Variants in TMEM38B observed in about 807,000 individuals in gnomAD.
TMEM38B encodes the protein transmembrane protein 38B.
Under a neutral mutation model 28.7 loss-of-function variants are expected in TMEM38B, and 24 were observed. That is an observed-to-expected ratio of 0.84 (90% confidence interval 0.61 to 1.18). The LOEUF (loss-of-function observed/expected upper bound fraction) is 1.18. TMEM38B is among the 50% of genes most tolerant of loss of function. The pLI is 0.00. For synonymous variants in TMEM38B, 131 were observed against 127.7 expected (o/e 1.03, Z -0.17); for missense variants, 380 against 350.9 (o/e 1.08, Z -0.66).
chr9:105,742,757 G>T (rs1837251986), intron 4 of TMEM38B, among the ~76,000 whole-genome samples: 1 of 152,032 alleles, frequency 6.6e-6, no homozygotes, highest in Non-Finnish European at 1.5e-5. Context: ...GAGCCACTGT[G>T]GTGCAGAAAA....
chr9:105,708,444 A>G (rs1007940160), intron 2 of TMEM38B, among the ~76,000 whole-genome samples: 9 of 152,194 alleles, frequency 5.9e-5, no homozygotes, highest in East Asian at 1.9e-4. Context: ...CCAGTCCCCT[A>G]CAGATACTGA....
intron 4 of TMEM38B, among the ~76,000 whole-genome samples, chr9:105,733,463 G>A (rs1836851999): frequency 7.0e-6 from 1 of 142,174 alleles, no homozygotes; most frequent in Non-Finnish European, 1.5e-5. Flanking sequence ...TATTAGGCAT[G>A]AGCTGATGAT....
Position 105,694,751 on chromosome 9 carries a change from A to G in TMEM38B, c.91A>G (p.Met31Val), listed in dbSNP as rs748081136. The G allele has an allele frequency of 1.9e-6, 3 of 1,564,974 alleles. No individual in the cohort carries two copies. The highest frequency in any genetic ancestry group is 2.8e-5 in the African/African-American group (2 of 71,524). ...FDIAHYLVSV[M>V]AVKRQPGAAA... ...CATCGCGCACTATCTAGTGTCAGTGATGGCGGTGAAACGTCAGCCGGGTGA... is the reference window on the plus strand; with the variant it reads ...CATCGCGCACTATCTAGTGTCAGTGGTGGCGGTGAAACGTCAGCCGGGTGA... Residue 31 changes from methionine to valine, a missense_variant, in exon 1 of 6, where the codon ATG (methionine) becomes GTG (valine). Transcript: ENST00000374692.
In TMEM38B at chr9:105,705,777, A is replaced by G. The variant is rs760165353; in HGVS notation, c.269+24A>G. ...TGGTAAGCTGCCAGTATGGTGACCT[A>G]TGTGACATTTAAACAATTGTGTTGT... On this transcript the variant is annotated intron_variant, in intron 2 of 5. Transcript: ENST00000374692. 1.2e-5 allele frequency: 19 copies of G among 1,596,430 alleles called. No individual in the cohort carries two copies. In the East Asian group the frequency reaches 2.7e-4, roughly 23 times the overall value.
intron 5 of TMEM38B, among the ~76,000 whole-genome samples, chr9:105,748,449 G>C (rs886793795): frequency 2.0e-5 from 3 of 151,796 alleles, no homozygotes; most frequent in Admixed American, 2.0e-4. Flanking sequence ...CAGAGTAGTG[G>C]AAATAGCCAA....
chr9:105,770,635 C>T (rs1026752357), intron 5 of TMEM38B, among the ~76,000 whole-genome samples: 4 of 151,964 alleles, frequency 2.6e-5, no homozygotes, highest in African/African-American at 9.7e-5. Flanking sequence ...ATAACATAAT[C>T]TATGGAGAAA....
At chr9:105,747,134 T>G (rs1422376190) in intron 4 of TMEM38B, among the ~76,000 whole-genome samples, 1 of 152,204 alleles carries the variant, frequency 6.6e-6, no homozygotes, top group African/African-American at 2.4e-5. Flanking sequence ...TTGATTGCTA[T>G]AGTTTCAGAA....
At chr9:105,742,284 A>G (rs376327357) in intron 4 of TMEM38B, among the ~76,000 whole-genome samples, 50 of 152,348 alleles carry the variant, frequency 3.3e-4, no homozygotes, top group African/African-American at 1.1e-3. Context: ...GGCTGGATTC[A>G]GGTGCAGAGG....
intron 4 of TMEM38B, 22 bp downstream of exon 4, chr9:105,722,643 T>C: frequency 6.3e-7 from 1 of 1,582,600 alleles, no homozygotes; most frequent in Non-Finnish European, 8.7e-7. Context: ...TAAATTATAC[T>C]GAGACCTAGA....
At chr9:105,734,853 A>C (rs1284634112) in intron 4 of TMEM38B, among the ~76,000 whole-genome samples, 1 of 144,438 alleles carries the variant, frequency 6.9e-6, no homozygotes, top group African/African-American at 2.7e-5. Flanking sequence ...TGTAGGCAGC[A>C]TGTAGTTGGA....
chr9:105,758,638 G>T, intron 5 of TMEM38B: 1 of 814,212 alleles, frequency 1.2e-6, no homozygotes. Flanking sequence ...CAGCTCTTCA[G>T]ATTTCCTGCA....
intron 2 of TMEM38B, 64 bp downstream of exon 2, chr9:105,705,817 A>G (rs1438492645): frequency 1.5e-5 from 23 of 1,506,466 alleles, no homozygotes; most frequent in Non-Finnish European, 2.0e-5. Flanking sequence ...TGTTAGTAAA[A>G]TGAATTTTTT....
At chr9:105,702,428 A>G (rs1282085729) in intron 1 of TMEM38B, among the ~76,000 whole-genome samples, 2 of 152,212 alleles carry the variant, frequency 1.3e-5, no homozygotes, top group African/African-American at 2.4e-5. Context: ...GTTCTTAAAA[A>G]CAGGGACACA....
chr9:105,713,991 G>T (rs774907037), intron 2 of TMEM38B, among the ~76,000 whole-genome samples: 8 of 152,160 alleles, frequency 5.3e-5, no homozygotes, highest in Non-Finnish European at 1.2e-4. Flanking sequence ...TCTGCTGAGA[G>T]CTGAGCACGG....
In TMEM38B at chr9:105,775,154, A is replaced by G. The variant is rs549726984; in HGVS notation, c.*1074A>G. On this transcript the variant is annotated 3_prime_UTR_variant, in exon 6 of 6. Transcript: ENST00000374692. ...TTATTAATTTTATTAAATGAAAACT[A>G]ATCACCTTCATGTGGAAATGCTCTG... 1.3e-5 allele frequency: 2 copies of G among 152,250 alleles called. No individual in the cohort carries two copies. Among genetic ancestry groups the G allele is most frequent in the African/African-American group, 4.8e-5 (2 of 41,574 alleles). The allele number at this position is 152,250 out of a possible 1,614,324, so 9.4% of individuals were successfully genotyped here.
intron 2 of TMEM38B, among the ~76,000 whole-genome samples, chr9:105,708,214 A>G (rs1013832057): frequency 1.3e-5 from 2 of 152,188 alleles, no homozygotes; most frequent in Non-Finnish European, 1.5e-5. Context: ...AAATATTTGG[A>G]AAAAAATCCA....
chr9:105,766,969 C>T (rs1256374952), intron 5 of TMEM38B, among the ~76,000 whole-genome samples: 4 of 149,936 alleles, frequency 2.7e-5, no homozygotes, highest in Non-Finnish European at 5.9e-5. Flanking sequence ...CAATTCCCAC[C>T]TATGAGTGAG....
At chr9:105,768,957 A>G (rs904685578) in intron 5 of TMEM38B, among the ~76,000 whole-genome samples, 3 of 151,988 alleles carry the variant, frequency 2.0e-5, no homozygotes, top group Non-Finnish European at 2.9e-5. Context: ...TTCCTTTACT[A>G]TAAAGAAAAT....
chr9:105,698,580 A>G (rs1202413369), intron 1 of TMEM38B, among the ~76,000 whole-genome samples: 15 of 152,092 alleles, frequency 9.9e-5, no homozygotes, highest in Non-Finnish European at 2.2e-4. Flanking sequence ...ATATTCTTGG[A>G]CTAAACTACT....
Sources: gnomAD v4.1 joint callset for allele counts (sites outside exome capture counted in the v4.1 genomes callset) on GRCh38, gnomAD v4.1.1 for gene constraint, MANE v1.5 for transcripts, NCBI Gene and HGNC (gene_info 2026-07-23, HGNC 2026-07-21) for gene names.